The following DLG4 variants were observed in gnomAD, a reference collection of about 807,000 sequenced individuals.
The protein encoded by DLG4 is discs large MAGUK scaffold protein 4.
DLG4 carries 7 observed loss-of-function variants against 93.8 expected under a neutral mutation model. The ratio of observed to expected loss-of-function variants is 0.07; its 90% CI spans 0.04 to 0.14. DLG4 has a LOEUF of 0.14. DLG4 is among the 10% of genes least tolerant of loss of function. The pLI is 1.00. For synonymous variants in DLG4, 341 were observed against 387.6 expected (o/e 0.88, Z 1.41); for missense variants, 545 against 992.9 (o/e 0.55, Z 6.06).
chr17:7,203,757 G>A lies in DLG4; in HGVS notation c.270C>T (p.Asp90=), dbSNP rs755756114. Reference sequence around the variant, plus strand: ...TCTTGGTGATGAAAATGGATGGGTCGTCACCGATGTGTGGGTTGTCAGTGC... The same window carrying A: ...TCTTGGTGATGAAAATGGATGGGTCATCACCGATGTGTGGGTTGTCAGTGC... ...AGGTDNPHIG[D]DPSIFITKII... The change falls in exon 5 of 20, where the codon GAC becomes GAT. Residue 90 remains aspartate, a synonymous_variant. Transcript: ENST00000399506. This position sits in a 1 kb window ranked among gnomAD's most constrained non-coding sequence, Gnocchi z 7.2. The A allele has an allele frequency of 5.0e-6, 8 of 1,613,496 alleles. No homozygotes were observed. In the South Asian group the frequency reaches 5.5e-5, roughly 11 times the overall value.
Position 7,190,716 on chromosome 17 carries a change from T to G in DLG4, c.2167A>C (p.Arg723=). The change falls in exon 20 of 20, where the codon AGA becomes CGA. Residue 723 remains arginine (R), a synonymous_variant. Coordinates refer to ENST00000399506, the MANE Select transcript of DLG4 (RefSeq NM_001321075.3). The part of the protein sequence containing the change: ...GPYIWVPARE[R]L ...CCAAGCCAGGGCAGGAATCAGAGTC[T>G]CTCTCGGGCTGGAACCCAGATGTAG... 6.2e-7 allele frequency: 1 copy of G among 1,613,496 alleles called. No individual in the cohort carries two copies. Among genetic ancestry groups the G allele is most frequent in the Non-Finnish European group, 8.5e-7 (1 of 1,179,494 alleles).
In DLG4 at chr17:7,190,656, A is replaced by G. The variant is rs200598498; in HGVS notation, c.*52T>C. On this transcript the variant is annotated 3_prime_UTR_variant, in exon 20 of 20. Coordinates refer to ENST00000399506, the MANE Select transcript of DLG4 (RefSeq NM_001321075.3). Reference sequence around the variant, plus strand: ...GGGCTTGGGCAATTCAGTCCAGACCAAGGGCCCAGGTGATGGAGGCAGGGC... The same window carrying G: ...GGGCTTGGGCAATTCAGTCCAGACCGAGGGCCCAGGTGATGGAGGCAGGGC... 3,274 of 1,463,340 alleles carry G rather than the reference A, an allele frequency of 2.2e-3. 6 individuals are homozygous for G. Among genetic ancestry groups the G allele is most frequent in the Non-Finnish European group, 2.8e-3 (2,925 of 1,042,856 alleles). 90.6% of individuals were successfully genotyped at this position (1,463,340 alleles called of 1,614,324 possible).
rs780157449 is a variant in DLG4 at position 7,195,437 on chromosome 17, G to A, written c.1301+783C>T. On this transcript the variant is annotated intron_variant, in intron 11 of 19. Transcript: ENST00000399506. This position sits in a 1 kb window ranked among gnomAD's most constrained non-coding sequence, Gnocchi z 4.3. Reference sequence around the variant, plus strand: ...GTGGGAGCCAGTGTCTGGGTGGCTGGTGATGCCATCCAACAAGAGGGAAAC... The same window carrying A: ...GTGGGAGCCAGTGTCTGGGTGGCTGATGATGCCATCCAACAAGAGGGAAAC... Among the ~76,000 whole-genome samples the A allele has an allele frequency of 2.0e-5, 3 of 152,172 alleles. No individual in the cohort carries two copies. The highest frequency in any genetic ancestry group is 4.4e-5 in the Non-Finnish European group (3 of 68,028).
chr17:7,209,647 G>A (rs2070630974), intron 1 of DLG4, among the ~76,000 whole-genome samples: 2 of 152,118 alleles, frequency 1.3e-5, no homozygotes, highest in African/African-American at 2.4e-5. Context: ...GTGCACACCT[G>A]TAGTCCCAAC....
chr17:7,192,389 G>C (rs763694562), intron 17 of DLG4: 3 of 197,738 alleles, frequency 1.5e-5, no homozygotes, highest in Non-Finnish European at 3.0e-5. Flanking sequence ...AAGTAGGATA[G>C]AGGGAGGAGG....
At chr17:7,216,079 C>T in intron 1 of DLG4, among the ~76,000 whole-genome samples, 1 of 151,584 alleles carries the variant, frequency 6.6e-6, no homozygotes, top group Non-Finnish European at 1.5e-5. Flanking sequence ...TTGCACAGAT[C>T]CCCATCGCTG....
Position 7,187,313 on chromosome 17 carries a change from G to GT in DLG4, c.*3394_*3395insA, listed in dbSNP as rs1200098760. ...CTAGCACTTTGGGAGGCCGAGGGGG[G>GT]GGGGGGTGGATCACCCGAGGTCAGG... is the stretch of plus-strand genomic sequence containing the variant. On this transcript the variant is annotated 3_prime_UTR_variant, in exon 20 of 20. Coordinates refer to ENST00000399506, the MANE Select transcript of DLG4 (RefSeq NM_001321075.3). Among the ~76,000 whole-genome samples the GT allele has an allele frequency of 1.6e-5, 2 of 122,348 alleles. No homozygotes were observed. Among genetic ancestry groups the GT allele is most frequent in the African/African-American group, 2.6e-5 (1 of 38,556 alleles). 80.3% of individuals were successfully genotyped at this position (122,348 alleles called of 152,430 possible).
intron 1 of DLG4, among the ~76,000 whole-genome samples, chr17:7,214,461 G>A (rs2070825658): frequency 6.6e-6 from 1 of 151,902 alleles, no homozygotes; most frequent in Non-Finnish European, 1.5e-5. Flanking sequence ...CGCTCCCCCT[G>A]CCTCGCCCAC....
Position 7,192,008 on chromosome 17 carries a change from G to T in DLG4, c.1867-6C>A, listed in dbSNP as rs2142814304. On this transcript the variant is annotated splice_polypyrimidine_tract_variant and splice_region_variant and intron_variant, in intron 17 of 19. Transcript: ENST00000399506. ...TCGAGGATGCAGTGCTTCCCCTGGGGGCAGGCAGGGTGGGCGGAGGGGGGC... is the reference window on the plus strand; with the variant it reads ...TCGAGGATGCAGTGCTTCCCCTGGGTGCAGGCAGGGTGGGCGGAGGGGGGC... 7.0e-7 allele frequency: 1 copy of T among 1,426,334 alleles called. No individual in the cohort carries two copies. Among genetic ancestry groups the T allele is most frequent in the African/African-American group, 1.5e-5 (1 of 68,088 alleles). 88.4% of individuals were successfully genotyped at this position (1,426,334 alleles called of 1,614,324 possible). A position where few individuals can be genotyped will look rare whatever the true frequency, so the allele number is the denominator to read the frequency against.
At chr17:7,192,024 G>T in intron 17 of DLG4, 22 bp from the exon 18 acceptor site, 1 of 1,342,172 alleles carries the variant, frequency 7.5e-7, no homozygotes, top group Non-Finnish European at 9.9e-7. Flanking sequence ...CAGGGTGGGC[G>T]GAGGGGGGCC....
At chr17:7,204,527 A>G in intron 2 of DLG4, 1 of 414,698 alleles carries the variant, frequency 2.4e-6, no homozygotes. Flanking sequence ...GGTGTAGGAG[A>G]AGCGGGAAGG....
Position 7,195,082 on chromosome 17 carries a change from C to T in DLG4, c.1302-587G>A, listed in dbSNP as rs1481156485. 2.0e-5 allele frequency among the ~76,000 whole-genome samples: 3 copies of T among 151,786 alleles called. No homozygotes were observed. The East Asian group carries it at 5.8e-4, about 29-fold the overall frequency. On this transcript the variant is annotated intron_variant, in intron 11 of 19. Transcript: ENST00000399506. This position sits in a 1 kb window ranked among gnomAD's most constrained non-coding sequence, Gnocchi z 4.3. ...AGCAGTGTGCAGTACACACGCACATCATAAAGTCACAGGGGTAACCCTGAA... is the reference window on the plus strand; with the variant it reads ...AGCAGTGTGCAGTACACACGCACATTATAAAGTCACAGGGGTAACCCTGAA...
chr17:7,190,705 G>A lies in DLG4; in HGVS notation c.*3C>T. On this transcript the variant is annotated 3_prime_UTR_variant, in exon 20 of 20. Coordinates refer to ENST00000399506, the MANE Select transcript of DLG4 (RefSeq NM_001321075.3). ...GCGAGTCCAGGCCAAGCCAGGGCAG[G>A]AATCAGAGTCTCTCTCGGGCTGGAA... 1 of 1,612,740 alleles carries A rather than the reference G, an allele frequency of 6.2e-7. No homozygotes were observed. The highest frequency in any genetic ancestry group is 8.5e-7 in the Non-Finnish European group (1 of 1,178,780).
At position 7,193,890 on chromosome 17, in the gene DLG4, C is replaced by T. The variant is rs2069631080; in HGVS notation, c.1516-19G>A. The T allele has an allele frequency of 6.2e-7, 1 of 1,612,404 alleles. No individual in the cohort carries two copies. On this transcript the variant is annotated intron_variant, in intron 13 of 19. Transcript: ENST00000399506. The surrounding 1 kb of genome is among the most constrained non-coding windows in gnomAD (Gnocchi z 6.7). ...CCCAGTCCTAAGAAGAAAAAGCAGG[C>T]CACGGGGTTAGTTATGAGCTCAGCT...
At chr17:7,219,811 C>A (rs1288207463), upstream of DLG4, 15 of 1,528,744 alleles carry the variant, frequency 9.8e-6, no homozygotes, top group Admixed American at 6.0e-5. Context: ...GTCAGCGGAA[C>A]GCAGGGCCGG....
In DLG4 at chr17:7,194,209, A is replaced by T; in HGVS notation, c.1478+110T>A. 7.0e-7 allele frequency: 1 copy of T among 1,427,862 alleles called. No homozygotes were observed. The highest frequency in any genetic ancestry group is 1.4e-5 in the South Asian group (1 of 71,882). 88.4% of individuals were successfully genotyped at this position (1,427,862 alleles called of 1,614,324 possible). A position where few individuals can be genotyped will look rare whatever the true frequency, so the allele number is the denominator to read the frequency against. On this transcript the variant is annotated intron_variant, in intron 12 of 19. Coordinates refer to ENST00000399506, the MANE Select transcript of DLG4 (RefSeq NM_001321075.3). The surrounding 1 kb of genome is among the most constrained non-coding windows in gnomAD (Gnocchi z 4.4). ...GACCCCAGGAGGGCCCAACAGACAAACCCCTAGGAGTTCAGAGGGCAAACC... is the reference window on the plus strand; with the variant it reads ...GACCCCAGGAGGGCCCAACAGACAATCCCCTAGGAGTTCAGAGGGCAAACC...
chr17:7,213,849 A>G (rs1416919366), intron 1 of DLG4: 3 of 471,118 alleles, frequency 6.4e-6, no homozygotes, highest in South Asian at 1.5e-5. Context: ...TGCGCCCCCA[A>G]GATGACCCCC....
chr17:7,198,793 A>T (rs1297876306), intron 8 of DLG4, among the ~76,000 whole-genome samples: 1 of 150,220 alleles, frequency 6.7e-6, no homozygotes, highest in African/African-American at 2.5e-5. Context: ...GGTTGCAGTG[A>T]GCCAAGATCG....
chr17:7,204,248 T>A lies in DLG4; in HGVS notation c.101A>T (p.Asn34Ile). ...HSPAHLPNQA[N>I]SPPVIVNTDT... is the part of the protein sequence containing the mutation. ...TGTGTTGACAATCACTGGGGGAGAA[T>A]TGGCCTGTTTGGGAAAACAAGAGAC... Residue 34 changes from asparagine to isoleucine, a missense_variant, in exon 3 of 20, where the codon AAT becomes ATT. By Grantham distance (149) the Asn-to-Ile change is moderately radical. Transcript: ENST00000399506. The A allele has an allele frequency of 6.3e-7, 1 of 1,588,096 alleles. No individual in the cohort carries two copies. The highest frequency in any genetic ancestry group is 8.6e-7 in the Non-Finnish European group (1 of 1,165,326).
Sources: gnomAD v4.1 joint callset for allele counts (sites outside exome capture counted in the v4.1 genomes callset) on GRCh38, gnomAD v4.1.1 for gene constraint, Gnocchi (gnomAD v3.1) non-coding constraint, MANE v1.5 for transcripts, NCBI Gene and HGNC (gene_info 2026-07-23, HGNC 2026-07-21) for gene names.